Variants in LRP1B observed in about 807,000 individuals in gnomAD.
The protein encoded by LRP1B is low-density lipoprotein receptor-related protein 1B.
In LRP1B, 217 loss-of-function variants were observed where a neutral mutation model predicts 556.6. The observed-to-expected ratio is 0.39, with a 90% CI of 0.35 to 0.44. The LOEUF (loss-of-function observed/expected upper bound fraction) is 0.44, where lower values mean the gene tolerates loss of function less well. LRP1B is among the 20% of genes least tolerant of loss of function. LRP1B has a pLI of 1.00. For synonymous variants in LRP1B, 2,047 were observed against 1,865.8 expected, an observed-to-expected ratio of 1.10 and a Z score of -2.50; for missense variants, 5,053 against 5,620.8, an observed-to-expected ratio of 0.90 and a Z score of 3.23.
At chr2:141,185,400 C>T (rs1681196395) in intron 7 of LRP1B, among the ~76,000 whole-genome samples, 1 of 151,948 alleles carries the variant, frequency 6.6e-6, no homozygotes, top group African/African-American at 2.4e-5. Flanking sequence ...CCTGCCAACT[C>T]TAATGACTAT....
chr2:141,742,429 T>G (rs1452648157), intron 2 of LRP1B, among the ~76,000 whole-genome samples: 2 of 151,994 alleles, frequency 1.3e-5, no homozygotes, highest in Non-Finnish European at 2.9e-5. Flanking sequence ...TTTTTTTGTC[T>G]TTTTAGTAGA....
intron 23 of LRP1B, among the ~76,000 whole-genome samples, chr2:140,888,893 G>A (rs1428279041): frequency 6.7e-6 from 1 of 150,074 alleles, no homozygotes; most frequent in Non-Finnish European, 1.5e-5. Context: ...AACCTGGGAG[G>A]CAGAGGTTGC....
intron 41 of LRP1B, among the ~76,000 whole-genome samples, chr2:140,681,827 A>AT (rs1235248977): frequency 6.6e-6 from 1 of 152,010 alleles, no homozygotes; most frequent in Non-Finnish European, 1.5e-5. Flanking sequence ...CAAATAAATT[A>AT]TTTTTTCATG....
intron 2 of LRP1B, among the ~76,000 whole-genome samples, chr2:141,685,470 A>G (rs1055795084): frequency 6.6e-6 from 1 of 152,088 alleles, no homozygotes; most frequent in Non-Finnish European, 1.5e-5. Context: ...GGACCATACT[A>G]AACTGAGTAA....
intron 41 of LRP1B, among the ~76,000 whole-genome samples, chr2:140,668,396 GT>G (rs1462747590): frequency 7.0e-6 from 1 of 143,192 alleles, no homozygotes; most frequent in Non-Finnish European, 1.5e-5. Context: ...TATTACTTCG[GT>G]CATTTTTTTT....
chr2:141,144,208 C>T (rs1014596435), intron 7 of LRP1B, among the ~76,000 whole-genome samples: 1 of 152,142 alleles, frequency 6.6e-6, no homozygotes, highest in Non-Finnish European at 1.5e-5. Context: ...GTATTTTAGA[C>T]TTGTCTCTAG....
intron 3 of LRP1B, among the ~76,000 whole-genome samples, chr2:141,368,394 G>A (rs564045999): frequency 6.6e-6 from 1 of 152,274 alleles, no homozygotes; most frequent in South Asian, 2.1e-4. Flanking sequence ...AGAAGAGGAG[G>A]ATGCATAAAG....
At chr2:141,414,234 T>A (rs1265869967) in intron 3 of LRP1B, among the ~76,000 whole-genome samples, 1 of 96,278 alleles carries the variant, frequency 1.0e-5, no homozygotes, top group Non-Finnish European at 1.8e-5. Context: ...TGAGACTCTA[T>A]CTCAAAAAAA....
intron 2 of LRP1B, among the ~76,000 whole-genome samples, chr2:141,673,950 C>T (rs916081514): frequency 6.6e-6 from 1 of 151,938 alleles, no homozygotes; most frequent in East Asian, 1.9e-4. Context: ...CTTAATCCCT[C>T]CTCTAACTGT....
chr2:141,425,691 T>C (rs1680335319), intron 3 of LRP1B, among the ~76,000 whole-genome samples: 1 of 151,496 alleles, frequency 6.6e-6, no homozygotes, highest in Non-Finnish European at 1.5e-5. Context: ...CATTTTTTCA[T>C]GTGCCTTTTG....
intron 35 of LRP1B, among the ~76,000 whole-genome samples, chr2:140,749,500 GATTT>G (rs890994552): frequency 6.6e-5 from 10 of 151,106 alleles, no homozygotes; most frequent in African/African-American, 2.4e-4. Flanking sequence ...AAAATTTATT[GATTT>G]ATTTTACTTT....
intron 62 of LRP1B, 54 bp from the exon 63 acceptor site, chr2:140,450,715 T>A: frequency 8.1e-7 from 1 of 1,238,954 alleles, no homozygotes. Context: ...GCATATATAA[T>A]GGATAATTTA....
In LRP1B at chr2:140,730,042, C is replaced by T. The variant is rs545231003; in HGVS notation, c.5759-13226G>A. ...TGAGAGGTATCCTTGATTCCTTCTT[C>T]GTCCGTATTCACCTAACAACCACAT... On this transcript the variant is annotated intron_variant, in intron 35 of 90. Coordinates refer to ENST00000389484, the MANE Select transcript of LRP1B (RefSeq NM_018557.3). 9.2e-5 allele frequency among the ~76,000 whole-genome samples: 14 copies of T among 152,248 alleles called. No homozygotes were observed. In the South Asian group the frequency reaches 2.5e-3, roughly 27 times the overall value.
At chr2:140,256,449 CTTTTTTTTTTTTTTTTTTTT>C (rs764826231) in intron 86 of LRP1B, among the ~76,000 whole-genome samples, 288 of 25,354 alleles carry the variant, frequency 0.011, 12 homozygotes, top group African/African-American at 0.033. Flanking sequence ...TTTTTCCTTC[CTTTTTTTTTTTTTTTTTTTT>C]TTTTTTTTTT....
In LRP1B at chr2:142,117,606, T is replaced by C. The variant is rs191738148; in HGVS notation, c.82+13042A>G. On this transcript the variant is annotated intron_variant, in intron 1 of 90. Transcript: ENST00000389484. The stretch of plus-strand genomic sequence containing the variant: ...CCCACAATGGATTTTTATTTGTGTG[T>C]GTGTGTGTTTGTGTGTGTGTGAGAG... 1.7e-4 allele frequency among the ~76,000 whole-genome samples: 25 copies of C among 144,708 alleles called. No individual in the cohort carries two copies. The East Asian group carries it at 4.6e-3, about 27-fold the overall frequency. 94.9% of individuals were successfully genotyped at this position (144,708 alleles called of 152,430 possible).
intron 43 of LRP1B, among the ~76,000 whole-genome samples, chr2:140,565,873 C>T (rs1485593809): frequency 1.3e-5 from 2 of 152,094 alleles, no homozygotes; most frequent in Admixed American, 1.3e-4. Flanking sequence ...ACAAAAGGAT[C>T]CCAGTAGCTC....
rs180694198 is a variant in LRP1B at position 141,173,893 on chromosome 2, G to A, written c.1013+14528C>T. On this transcript the variant is annotated intron_variant, in intron 7 of 90. Transcript: ENST00000389484. Reference sequence around the variant, plus strand: ...TAAGCCAGTTAAAGATGAGATTCATGTTAGTGTCCAAAGTATTCTAAAATA... The same window carrying A: ...TAAGCCAGTTAAAGATGAGATTCATATTAGTGTCCAAAGTATTCTAAAATA... Among the ~76,000 whole-genome samples the A allele has an allele frequency of 5.9e-5, 9 of 152,138 alleles. 1 individual carries two copies. Among genetic ancestry groups the A allele is most frequent in the African/African-American group, 2.2e-4 (9 of 41,542 alleles).
intron 35 of LRP1B, among the ~76,000 whole-genome samples, chr2:140,740,760 G>T (rs535213803): frequency 1.4e-4 from 21 of 152,260 alleles, no homozygotes; most frequent in African/African-American, 4.8e-4. Flanking sequence ...ATCTTGGCCT[G>T]TAGATGGCCA....
intron 1 of LRP1B, among the ~76,000 whole-genome samples, chr2:141,883,899 A>G (rs1699031540): frequency 1.3e-5 from 2 of 152,326 alleles, no homozygotes; most frequent in African/African-American, 4.8e-5. Flanking sequence ...TTTTCCTACC[A>G]AATCCAAGTT....
Sources: gnomAD v4.1 joint callset for allele counts (sites outside exome capture counted in the v4.1 genomes callset) on GRCh38, gnomAD v4.1.1 for gene constraint, MANE v1.5 for transcripts, NCBI Gene and HGNC (gene_info 2026-07-23, HGNC 2026-07-21) for gene names.